WDFY2: variants seen among roughly 807,000 people sequenced by gnomAD.
WDFY2 encodes WD repeat and FYVE domain-containing protein 2.
Under a neutral mutation model 56.4 loss-of-function variants are expected in WDFY2, and 36 were observed. The ratio of observed to expected loss-of-function variants is 0.64; its 90% CI spans 0.49 to 0.84. The LOEUF (loss-of-function observed/expected upper bound fraction) is 0.84. Among genes scored for constraint, WDFY2 ranks in the 40% least tolerant of loss-of-function variants. The pLI is 0.00. For synonymous variants in WDFY2, 176 were observed against 183.7 expected, an observed-to-expected ratio of 0.96 and a Z score of 0.34; for missense variants, 444 against 512.2, an observed-to-expected ratio of 0.87 and a Z score of 1.29.
At chr13:51,666,858 T>C (rs1955712542) in intron 2 of WDFY2, among the ~76,000 whole-genome samples, 1 of 152,232 alleles carries the variant, frequency 6.6e-6, no homozygotes, top group South Asian at 2.1e-4. Context: ...AGTTAAGATA[T>C]CTATGGAAAG....
chr13:51,589,682 T>C (rs149018785), intron 1 of WDFY2: 1 of 152,306 alleles, frequency 6.6e-6, no homozygotes, highest in Non-Finnish European at 1.5e-5. Flanking sequence ...GTTCTGAAAG[T>C]TGAGGACTTT....
chr13:51,604,427 A>G (rs948056361), intron 1 of WDFY2, among the ~76,000 whole-genome samples: 9 of 152,128 alleles, frequency 5.9e-5, no homozygotes, highest in Admixed American at 6.5e-5. Context: ...TTAGTCAAGA[A>G]ACAGGAATGT....
intron 4 of WDFY2, among the ~76,000 whole-genome samples, chr13:51,708,400 A>G (rs781612616): frequency 4.6e-5 from 7 of 151,916 alleles, no homozygotes; most frequent in Admixed American, 6.6e-5. Context: ...GGTTGCTTCA[A>G]TCCAGGGGTT....
At chr13:51,608,623 G>A (rs1954428306) in intron 1 of WDFY2, among the ~76,000 whole-genome samples, 2 of 152,334 alleles carry the variant, frequency 1.3e-5, no homozygotes, top group Non-Finnish European at 2.9e-5. Flanking sequence ...GGAGGTTGCA[G>A]TGAGACGAGC....
At chr13:51,702,982 A>G (rs941812282) in intron 3 of WDFY2, among the ~76,000 whole-genome samples, 3 of 152,204 alleles carry the variant, frequency 2.0e-5, no homozygotes, top group Admixed American at 6.5e-5. Context: ...CCAAGGGTAT[A>G]TATAATGCGC....
chr13:51,590,609 TATACTTAGA>T (rs2138285481), intron 1 of WDFY2: 1 of 152,312 alleles, frequency 6.6e-6, no homozygotes, highest in African/African-American at 2.4e-5. Context: ...GTGTACAGTA[TATACTTAGA>T]AGAGACTGAC....
chr13:51,692,635 G>A (rs1324557528), intron 3 of WDFY2, among the ~76,000 whole-genome samples: 1 of 152,200 alleles, frequency 6.6e-6, no homozygotes, highest in Non-Finnish European at 1.5e-5. Context: ...TGTTCATCAA[G>A]GATATTGGTC....
At chr13:51,656,219 A>C (rs1955507295) in intron 1 of WDFY2, among the ~76,000 whole-genome samples, 1 of 151,848 alleles carries the variant, frequency 6.6e-6, no homozygotes, top group African/African-American at 2.4e-5. Flanking sequence ...TACTGCTTTC[A>C]CAGCCCCCAA....
At chr13:51,714,110 A>G (rs1257856872) in intron 4 of WDFY2, among the ~76,000 whole-genome samples, 1 of 151,824 alleles carries the variant, frequency 6.6e-6, no homozygotes, top group African/African-American at 2.4e-5. Flanking sequence ...ATTTTTTGTT[A>G]TGTATATTTT....
At chr13:51,593,551 A>C (rs1954091147) in intron 1 of WDFY2, among the ~76,000 whole-genome samples, 1 of 152,180 alleles carries the variant, frequency 6.6e-6, no homozygotes, top group Admixed American at 6.5e-5. Context: ...ATACCTGACC[A>C]GCCATGGATA....
At chr13:51,637,884 G>A (rs1180008860) in intron 1 of WDFY2, among the ~76,000 whole-genome samples, 3 of 152,164 alleles carry the variant, frequency 2.0e-5, no homozygotes, top group Non-Finnish European at 2.9e-5. Context: ...TCAAGATATT[G>A]GGATATTAGG....
intron 1 of WDFY2, among the ~76,000 whole-genome samples, chr13:51,643,649 T>A (rs1244914139): frequency 6.6e-6 from 1 of 152,186 alleles, no homozygotes; most frequent in Admixed American, 6.5e-5. Flanking sequence ...GTGTTGCAGA[T>A]GGCATGGCTG....
chr13:51,670,606 G>A (rs1955791244), intron 2 of WDFY2, among the ~76,000 whole-genome samples: 1 of 151,868 alleles, frequency 6.6e-6, no homozygotes, highest in Non-Finnish European at 1.5e-5. Context: ...GTGCCTGGGA[G>A]CTAATGCTGT....
intron 6 of WDFY2, among the ~76,000 whole-genome samples, chr13:51,737,527 T>C (rs1398194697): frequency 8.2e-6 from 1 of 122,126 alleles, no homozygotes; most frequent in Non-Finnish European, 1.6e-5. Context: ...GCTTCTATTC[T>C]ACTGGGGCAG....
chr13:51,657,046 T>A (rs1244885995), intron 1 of WDFY2, among the ~76,000 whole-genome samples: 1 of 152,096 alleles, frequency 6.6e-6, no homozygotes, highest in Non-Finnish European at 1.5e-5. Flanking sequence ...CTTTGTTTTT[T>A]GTTTCTCAAT....
chr13:51,751,367 C>A lies in WDFY2; in HGVS notation c.783C>A (p.Gly261=). ...ACACGCGACAATTGATCTCCTGTGGCGGTGATGGTGGGATTGTCGTCTGGA... is the reference window on the plus strand; with the variant it reads ...ACACGCGACAATTGATCTCCTGTGGAGGTGATGGTGGGATTGTCGTCTGGA... ...AQHTRQLISC[G]GDGGIVVWNM... is the part of the protein sequence containing the mutation. The change falls in exon 8 of 12, where the codon GGC becomes GGA. Residue 261 remains glycine, a synonymous_variant. Transcript: ENST00000298125. The A allele has an allele frequency of 6.2e-7, 1 of 1,613,980 alleles. No individual in the cohort carries two copies. The highest frequency in any genetic ancestry group is 8.5e-7 in the Non-Finnish European group (1 of 1,179,928).
chr13:51,602,241 C>G (rs538365129), intron 1 of WDFY2, among the ~76,000 whole-genome samples: 5 of 152,272 alleles, frequency 3.3e-5, no homozygotes, highest in African/African-American at 9.6e-5. Flanking sequence ...ATTCCTATTG[C>G]CTAGTGACAT....
chr13:51,738,412 C>A (rs1412582062), intron 6 of WDFY2, among the ~76,000 whole-genome samples: 1 of 152,170 alleles, frequency 6.6e-6, no homozygotes, highest in Non-Finnish European at 1.5e-5. Context: ...CTAATTCTCA[C>A]CACAACCGTA....
chr13:51,744,893 TG>T (rs1028780935), intron 7 of WDFY2, among the ~76,000 whole-genome samples: 1 of 152,146 alleles, frequency 6.6e-6, no homozygotes, highest in African/African-American at 2.4e-5. Context: ...AACTGAAAGG[TG>T]GTTATATTTT....
Sources: allele counts gnomAD v4.1 joint callset (sites outside exome capture counted in the v4.1 genomes callset), GRCh38; gene constraint gnomAD v4.1.1; transcripts MANE v1.5; gene names NCBI Gene and HGNC (gene_info 2026-07-23, HGNC 2026-07-21).